The following LGALS9 variants were observed in gnomAD, a reference collection of about 807,000 sequenced individuals.
LGALS9 encodes the protein galectin-9.
A neutral mutation model predicts 35.9 loss-of-function variants in LGALS9; 26 were observed. The ratio of observed to expected loss-of-function variants is 0.72; its 90% CI spans 0.53 to 1.01. The LOEUF (loss-of-function observed/expected upper bound fraction) is 1.01. LGALS9 is among the 50% of genes least tolerant of loss of function. The pLI is 0.00. For synonymous variants in LGALS9, 149 were observed against 172.2 expected (o/e 0.87, Z 1.06); for missense variants, 347 against 445.8 (o/e 0.78, Z 1.99).
rs2151293130 is a variant in LGALS9 at position 27,640,601 on chromosome 17, G to C, written c.161G>C (p.Ser54Thr). 1 of 1,614,152 alleles carries C rather than the reference G, an allele frequency of 6.2e-7. No individual in the cohort carries two copies. Among genetic ancestry groups the C allele is most frequent in the South Asian group, 1.1e-5 (1 of 91,080 alleles). The change falls in exon 3 of 11, where the codon AGT (serine) becomes ACT (threonine). Residue 54 changes from serine to threonine, a missense_variant. Transcript: ENST00000395473. ...GCTGTGAACTTTCAGACTGGCTTCA[G>C]TGGAAATGACATTGCCTTCCACTTC... Reference protein sequence around the residue: ...RFAVNFQTGFSGNDIAFHFNP... With the variant: ...RFAVNFQTGFTGNDIAFHFNP...
intron 1 of LGALS9, among the ~76,000 whole-genome samples, chr17:27,632,570 C>T (rs1205077148): frequency 6.6e-6 from 1 of 152,166 alleles, no homozygotes; most frequent in Admixed American, 6.5e-5. Flanking sequence ...CTGGTGGGGG[C>T]CTTAGGGTCA....
chr17:27,642,419 T>A (rs374014569), intron 4 of LGALS9, 71 bp downstream of exon 4: 411 of 1,603,256 alleles, frequency 2.6e-4, no homozygotes, highest in Non-Finnish European at 3.0e-4. Context: ...GTCTAAGCCC[T>A]GCTGGGTGGG....
Position 27,640,631 on chromosome 17 carries a change from C to G in LGALS9, c.191C>G (p.Pro64Arg). The change falls in exon 3 of 11, where the codon CCT (proline) becomes CGT (arginine). Residue 64 changes from proline to arginine, a missense_variant. By Grantham distance (103) the Pro-to-Arg change is moderately radical. Coordinates refer to ENST00000395473, the MANE Select transcript of LGALS9 (RefSeq NM_009587.3). ...SGNDIAFHFNPRFEDGGYVVC... is the reference protein window; with the variant it reads ...SGNDIAFHFNRRFEDGGYVVC... ...AATGACATTGCCTTCCACTTCAACC[C>G]TCGGTTTGAAGATGGAGGGTACGTG... 1 of 1,614,202 alleles carries G rather than the reference C, an allele frequency of 6.2e-7. No individual in the cohort carries two copies.
At chr17:27,640,139 C>T (rs1294347567) in intron 2 of LGALS9, among the ~76,000 whole-genome samples, 3 of 152,186 alleles carry the variant, frequency 2.0e-5, no homozygotes, top group Non-Finnish European at 4.4e-5. Context: ...CTGCGCCCAG[C>T]CCCAATTTCA....
chr17:27,635,223 G>T (rs896868188), intron 1 of LGALS9, among the ~76,000 whole-genome samples: 1 of 152,120 alleles, frequency 6.6e-6, no homozygotes, highest in Admixed American at 6.5e-5. Context: ...GGCCGAGCCG[G>T]AAGGATCACT....
At chr17:27,644,554 G>C (rs1904784138) in intron 5 of LGALS9, 1 of 152,400 alleles carries the variant, frequency 6.6e-6, no homozygotes. Flanking sequence ...GGGTGGGGCA[G>C]GATCCAGGAC....
chr17:27,647,572 CA>C (rs1905045247), intron 10 of LGALS9, 140 bp downstream of exon 10: 5 of 1,196,730 alleles, frequency 4.2e-6, no homozygotes, highest in Non-Finnish European at 5.7e-6. Context: ...AGGTGGCCAA[CA>C]AATTATTATT....
intron 3 of LGALS9, among the ~76,000 whole-genome samples, chr17:27,641,777 C>T (rs2151294095): frequency 6.6e-6 from 1 of 152,036 alleles, no homozygotes; most frequent in East Asian, 1.9e-4. Context: ...AGTCCAAGAC[C>T]AGCCTGGCCA....
At chr17:27,642,699 C>T (rs1035784029) in intron 4 of LGALS9, among the ~76,000 whole-genome samples, 38 of 152,064 alleles carry the variant, frequency 2.5e-4, no homozygotes, top group Non-Finnish European at 4.7e-4. Context: ...CTCTGCCATT[C>T]ATCATCTGTG....
intron 3 of LGALS9, 145 bp downstream of exon 3, chr17:27,640,918 AC>A: frequency 7.7e-7 from 1 of 1,299,494 alleles, no homozygotes; most frequent in Non-Finnish European, 1.1e-6. Context: ...GTGAGGTGTT[AC>A]CCATGGCTGC....
chr17:27,635,713 A>T (rs1035066535), intron 1 of LGALS9, among the ~76,000 whole-genome samples: 2 of 152,084 alleles, frequency 1.3e-5, no homozygotes, highest in Non-Finnish European at 2.9e-5. Flanking sequence ...CTGTGAATAC[A>T]CTTAAGTGGA....
At chr17:27,635,442 C>CTAAATAAATAAA (rs67262429) in intron 1 of LGALS9, among the ~76,000 whole-genome samples, 9 of 140,404 alleles carry the variant, frequency 6.4e-5, no homozygotes, top group African/African-American at 1.6e-4. Flanking sequence ...GAACCCATCT[C>CTAAATAAATAAA]TAAATAAATA....
rs747538313 is a variant in LGALS9 at position 27,647,412 on chromosome 17, G to A, written c.901G>A (p.Val301Ile). 1.9e-5 allele frequency: 30 copies of A among 1,613,986 alleles called. No homozygotes were observed. The highest frequency in any genetic ancestry group is 6.7e-5 in the East Asian group (3 of 44,894). The part of the protein sequence containing the change: ...ERSLPRKMPF[V>I]RGQSFSVWIL... ...AAGTCTGCCCCGAAAAATGCCCTTC[G>A]TCCGTGGCCAGAGCTTCTCAGTAAG... The change falls in exon 10 of 11, where the codon GTC (valine) becomes ATC (isoleucine). Residue 301 changes from valine (V) to isoleucine (I), a missense_variant. Coordinates refer to ENST00000395473, the MANE Select transcript of LGALS9 (RefSeq NM_009587.3).
intron 1 of LGALS9, among the ~76,000 whole-genome samples, chr17:27,636,091 A>G (rs2074448122): frequency 6.6e-6 from 1 of 151,320 alleles, no homozygotes; most frequent in African/African-American, 2.4e-5. Context: ...ATCAGATCCC[A>G]GATTTCCTGG....
At chr17:27,640,798 T>A (rs773281074) in intron 3 of LGALS9, 25 bp downstream of exon 3, 34 of 1,612,882 alleles carry the variant, frequency 2.1e-5, no homozygotes, top group African/African-American at 2.7e-5. Flanking sequence ...CCTCCCCACC[T>A]CTCACCCCTG....
rs767774171 is a variant in LGALS9, at chr17:27,645,862, C to A, written c.578C>A (p.Thr193Asn). The A allele has an allele frequency of 1.9e-6, 3 of 1,603,666 alleles. No individual in the cohort carries two copies. In the African/African-American group the frequency reaches 4.1e-5, roughly 22 times the overall value. ...GVWPANPAPI[T>N]QTVIHTVQSA... ...TGAGACCTGGTTTCTTTCTTCCAGA[C>A]CCAGACAGTCATCCACACAGTGCAG... The change falls in exon 7 of 11, where the codon ACC becomes AAC. Residue 193 changes from threonine to asparagine, a missense_variant and splice_region_variant. Transcript: ENST00000395473.
At chr17:27,640,464 T>G in intron 2 of LGALS9, 108 bp from the exon 3 acceptor site, 1 of 1,488,216 alleles carries the variant, frequency 6.7e-7, no homozygotes. Context: ...CCATACAGGT[T>G]GTGTGCAAGA....
chr17:27,635,676 G>C (rs902670456), intron 1 of LGALS9, among the ~76,000 whole-genome samples: 1 of 151,950 alleles, frequency 6.6e-6, no homozygotes, highest in Non-Finnish European at 1.5e-5. Flanking sequence ...TGTCCATCAC[G>C]CTCTGCCTTC....
chr17:27,643,946 G>A (rs1001347654), intron 5 of LGALS9: 3 of 305,318 alleles, frequency 9.8e-6, no homozygotes, highest in Non-Finnish European at 1.8e-5. Flanking sequence ...CTGCCACAGT[G>A]ACCTTCTTAT....
Sources: gnomAD v4.1 joint callset for allele counts (sites outside exome capture counted in the v4.1 genomes callset) on GRCh38, gnomAD v4.1.1 for gene constraint, MANE v1.5 for transcripts, NCBI Gene and HGNC (gene_info 2026-07-23, HGNC 2026-07-21) for gene names.